The following RCL1 variants were observed in gnomAD, a reference collection of about 807,000 sequenced individuals.
RCL1 encodes the protein RNA 3'-terminal phosphate cyclase-like protein.
RCL1 carries 24 observed loss-of-function variants against 42.4 expected under a neutral mutation model. The observed-to-expected ratio is 0.57, with a 90% CI of 0.41 to 0.80. The LOEUF is 0.80. RCL1 is among the 30% of genes least tolerant of loss of function. RCL1 has a pLI of 0.00. For missense variants in RCL1, 578 were observed against 467.9 expected, an observed-to-expected ratio of 1.24 and a Z score of -2.17; for synonymous variants, 228 against 177.3, an observed-to-expected ratio of 1.29 and a Z score of -2.27.
intron 1 of RCL1, among the ~76,000 whole-genome samples, chr9:4,794,015 A>G (rs1842875141): frequency 6.6e-6 from 1 of 152,186 alleles, no homozygotes. Flanking sequence ...GCCTTGGTTT[A>G]CACCTGGCCC....
chr9:4,798,735 C>T (rs1842951496), intron 1 of RCL1, among the ~76,000 whole-genome samples: 1 of 152,148 alleles, frequency 6.6e-6, no homozygotes, highest in South Asian at 2.1e-4. Context: ...TGATGGACAA[C>T]TGGTTTTGGG....
At chr9:4,848,372 T>G (rs746119381) in intron 7 of RCL1, among the ~76,000 whole-genome samples, 4 of 152,232 alleles carry the variant, frequency 2.6e-5, no homozygotes, top group Admixed American at 6.5e-5. Flanking sequence ...GGCTACTAAA[T>G]GATATCTGAC....
Position 4,849,455 on chromosome 9 carries a change from C to G in RCL1, c.876C>G (p.Cys292Trp), listed in dbSNP as rs771521644. 1.9e-6 allele frequency: 3 copies of G among 1,612,634 alleles called. No homozygotes were observed. In the African/African-American group the frequency reaches 4.0e-5, roughly 22 times the overall value. The change falls in exon 8 of 9, where the codon TGC becomes TGG. Residue 292 changes from cysteine to tryptophan, a missense_variant. Physicochemically the swap from Cys to Trp is radical, Grantham distance 215. Coordinates refer to ENST00000381750, the MANE Select transcript of RCL1 (RefSeq NM_005772.5). ...LLLEEIYRGGCVDSTNQSLAL... is the reference protein window; with the variant it reads ...LLLEEIYRGGWVDSTNQSLAL... ...TTAATTTGTGTTTACAGGGTGGATG[C>G]GTAGACTCGACCAACCAAAGCCTGG...
chr9:4,849,814 G>A (rs1419649379), intron 8 of RCL1, among the ~76,000 whole-genome samples: 2 of 152,102 alleles, frequency 1.3e-5, no homozygotes, highest in East Asian at 3.8e-4. Context: ...TTTAGATTTT[G>A]TTTCCAGGTT....
At position 4,819,481 on chromosome 9, in the gene RCL1, C is replaced by T. The variant is rs111259283; in HGVS notation, c.137-4067C>T. On this transcript the variant is annotated intron_variant, in intron 1 of 8. Coordinates refer to ENST00000381750, the MANE Select transcript of RCL1 (RefSeq NM_005772.5). ...CATATATGTACACTTGTTCTTTATC[C>T]GCAGAAATGGTCACTATCAATGTAC... 1.6e-3 allele frequency among the ~76,000 whole-genome samples: 245 copies of T among 152,158 alleles called. 3 individuals carry two copies. Among genetic ancestry groups the T allele is most frequent in the Middle Eastern group, 0.014 (4 of 294 alleles).
chr9:4,826,529 C>G (rs935823302), intron 2 of RCL1, among the ~76,000 whole-genome samples: 2 of 152,142 alleles, frequency 1.3e-5, no homozygotes, highest in Non-Finnish European at 2.9e-5. Context: ...TGTGGTCAGC[C>G]TAGTCTGAGA....
Position 4,860,224 on chromosome 9 carries a change from G to T in RCL1, c.1071G>T (p.Leu357=), listed in dbSNP as rs1818122740. The T allele has an allele frequency of 6.2e-7, 1 of 1,613,536 alleles. No individual in the cohort carries two copies. The change falls in exon 9 of 9, where the codon CTG becomes CTT. Residue 357 remains leucine (L), a synonymous_variant. Transcript: ENST00000381750. ...AACTCAAGGGTGGGGATAAAGTGCT[G>T]ATGACCTGTGTTGGCATTGGTTTCT... ...GEELKGGDKV[L]MTCVGIGFSN...
At chr9:4,851,746 A>AG (rs556227725) in intron 8 of RCL1, among the ~76,000 whole-genome samples, 270 of 151,726 alleles carry the variant, frequency 1.8e-3, no homozygotes, top group African/African-American at 6.3e-3. Flanking sequence ...TTAAAAAAAA[A>AG]AAAGCATTTC....
chr9:4,817,790 C>T (rs1193039257), intron 1 of RCL1, among the ~76,000 whole-genome samples: 1 of 151,990 alleles, frequency 6.6e-6, no homozygotes, highest in African/African-American at 2.4e-5. Flanking sequence ...AGCCACCACA[C>T]CCAGCTTTAT....
At chr9:4,796,648 C>CCT (rs1292845074) in intron 1 of RCL1, among the ~76,000 whole-genome samples, 1 of 152,208 alleles carries the variant, frequency 6.6e-6, no homozygotes, top group Non-Finnish European at 1.5e-5. Context: ...AGTCGTCCTG[C>CCT]CTCAGCCTTC....
chr9:4,802,739 A>G (rs1033763072), intron 1 of RCL1, among the ~76,000 whole-genome samples: 12 of 152,248 alleles, frequency 7.9e-5, no homozygotes, highest in African/African-American at 2.7e-4. Context: ...TGTCTTAAGC[A>G]TACTTGGGAA....
chr9:4,845,351 C>T (rs1177028798), intron 7 of RCL1, among the ~76,000 whole-genome samples: 6 of 152,230 alleles, frequency 3.9e-5, no homozygotes, highest in Non-Finnish European at 8.8e-5. Flanking sequence ...TGTCATTTTG[C>T]TTCTGCAGGT....
intron 7 of RCL1, among the ~76,000 whole-genome samples, chr9:4,846,593 A>T (rs1241202259): frequency 6.6e-6 from 1 of 152,096 alleles, no homozygotes; most frequent in Non-Finnish European, 1.5e-5. Flanking sequence ...AGTGCATGCA[A>T]TGTGTTTCCC....
intron 7 of RCL1, among the ~76,000 whole-genome samples, chr9:4,849,195 T>G (rs548974320): frequency 6.6e-6 from 1 of 151,962 alleles, no homozygotes; most frequent in South Asian, 2.1e-4. Flanking sequence ...CTAGATTCAC[T>G]TAAGAAGATT....
intron 1 of RCL1, among the ~76,000 whole-genome samples, chr9:4,810,429 C>A (rs1448786359): frequency 6.6e-6 from 1 of 152,160 alleles, no homozygotes; most frequent in East Asian, 1.9e-4. Flanking sequence ...TAAATGGAAT[C>A]ATATAGTACG....
At chr9:4,835,867 T>C (rs1307429213) in intron 5 of RCL1, among the ~76,000 whole-genome samples, 4 of 152,182 alleles carry the variant, frequency 2.6e-5, no homozygotes, top group Non-Finnish European at 5.9e-5. Flanking sequence ...TAAGTAGCAT[T>C]GGGTAAATGG....
chr9:4,802,382 A>G (rs1323994732), intron 1 of RCL1, among the ~76,000 whole-genome samples: 29 of 152,186 alleles, frequency 1.9e-4, no homozygotes, highest in Non-Finnish European at 5.9e-5. Flanking sequence ...CTAATATACA[A>G]AAAAGCTTTC....
chr9:4,820,264 C>A (rs573156456), intron 1 of RCL1, among the ~76,000 whole-genome samples: 1 of 152,300 alleles, frequency 6.6e-6, no homozygotes, highest in East Asian at 1.9e-4. Context: ...GCAAGGAATT[C>A]TACACAGGTT....
At chr9:4,836,274 G>T (rs72697985) in intron 5 of RCL1, among the ~76,000 whole-genome samples, 3 of 152,138 alleles carry the variant, frequency 2.0e-5, no homozygotes, top group Non-Finnish European at 2.9e-5. Flanking sequence ...GTTGGATGCA[G>T]GTTGGCAAGG....
Sources: gnomAD v4.1 joint callset for allele counts (sites outside exome capture counted in the v4.1 genomes callset) on GRCh38, gnomAD v4.1.1 for gene constraint, MANE v1.5 for transcripts, NCBI Gene and HGNC (gene_info 2026-07-23, HGNC 2026-07-21) for gene names.